Variants in PRH1 observed in about 807,000 individuals in gnomAD.
PRH1 encodes proline rich protein HaeIII subfamily 1, also known as salivary acidic proline-rich phosphoprotein 1/2.
PRH1 carries 7 observed loss-of-function variants against 7.9 expected under a neutral mutation model. The observed-to-expected ratio is 0.89, with a 90% CI of 0.50 to 1.67. The LOEUF (loss-of-function observed/expected upper bound fraction) is 1.67, where lower values mean the gene tolerates loss of function less well. Among genes scored for constraint, PRH1 ranks in the 40% most tolerant of loss-of-function variants. PRH1 has a pLI of 0.00. For missense variants in PRH1, 109 were observed against 223.6 expected (o/e 0.49, Z 3.27); for synonymous variants, 45 against 80.8 (o/e 0.56, Z 2.38).
At chr12:10,986,402 C>T in intron 1 of PRH1, 2 of 1,614,074 alleles carry the variant, frequency 1.2e-6, no homozygotes, top group Non-Finnish European at 1.7e-6. Context: ...CTTCTGCCCA[C>T]ATACTCTCAT....
chr12:11,064,595 C>T (rs1366048603), intron 1 of PRH1, among the ~76,000 whole-genome samples: 3 of 152,062 alleles, frequency 2.0e-5, no homozygotes, highest in Non-Finnish European at 2.9e-5. Flanking sequence ...ACTAAATGTA[C>T]TCCTGTCAGC....
chr12:11,046,850 C>G (rs191350978), intron 1 of PRH1, among the ~76,000 whole-genome samples: 273 of 152,164 alleles, frequency 1.8e-3, no homozygotes, highest in South Asian at 0.011. Context: ...AGTTTTACAA[C>G]TTAGTCTACA....
intron 2 of PRH1, chr12:10,908,936 A>G (rs773681987): frequency 6.2e-7 from 1 of 1,613,432 alleles, no homozygotes; most frequent in South Asian, 1.1e-5. Flanking sequence ...TCCACTTCAA[A>G]TAGAGAAAAG....
chr12:11,108,352 G>GA (rs545116760), intron 1 of PRH1, among the ~76,000 whole-genome samples: 1 of 151,864 alleles, frequency 6.6e-6, no homozygotes, highest in African/African-American at 2.4e-5. Context: ...AAGTAATAAT[G>GA]AAAAAAAATA....
intron 1 of PRH1, among the ~76,000 whole-genome samples, chr12:11,160,556 C>T (rs919577403): frequency 3.9e-5 from 6 of 152,104 alleles, no homozygotes; most frequent in East Asian, 3.9e-4. Flanking sequence ...CTGCAACCTC[C>T]GCCTCCCAGG....
intron 2 of PRH1, among the ~76,000 whole-genome samples, chr12:10,944,463 G>A (rs1026525420): frequency 1.4e-4 from 22 of 152,154 alleles, no homozygotes; most frequent in Non-Finnish European, 1.5e-4. Context: ...AGGAGCTTTT[G>A]AGCCAAGACT....
chr12:10,935,969 C>T (rs561371354), intron 2 of PRH1, among the ~76,000 whole-genome samples: 2 of 152,142 alleles, frequency 1.3e-5, no homozygotes, highest in African/African-American at 4.8e-5. Flanking sequence ...GGATATTGAG[C>T]TGAATCTGAG....
chr12:11,112,874 A>G lies in PRH1; in HGVS notation n.123+58548T>C, dbSNP rs1169607611. 3.3e-5 allele frequency among the ~76,000 whole-genome samples: 5 copies of G among 152,316 alleles called. No individual in the cohort carries two copies. The East Asian group carries it at 7.7e-4, about 23-fold the overall frequency. On this transcript the variant is annotated intron_variant and non_coding_transcript_variant, in intron 1 of 4. Transcript: ENST00000541977. ...GAAGTCAAACTGTCTCTGTTTGCAGATGACAGGATTGTATATTTAGAAAAA... is the reference window on the plus strand; with the variant it reads ...GAAGTCAAACTGTCTCTGTTTGCAGGTGACAGGATTGTATATTTAGAAAAA...
intron 1 of PRH1, among the ~76,000 whole-genome samples, chr12:11,156,890 G>T (rs1300806214): frequency 1.4e-5 from 2 of 145,386 alleles, no homozygotes; most frequent in Non-Finnish European, 3.0e-5. Flanking sequence ...CTGTCACCCA[G>T]GCTGGAGTGC....
At chr12:11,150,930 T>C (rs141767352) in intron 1 of PRH1, among the ~76,000 whole-genome samples, 2,330 of 152,322 alleles carry the variant, frequency 0.015, 19 homozygotes, top group South Asian at 0.031. Flanking sequence ...GTTTGTTTTG[T>C]TTTTTGCCAA....
At chr12:11,114,356 G>A (rs1282231423) in intron 1 of PRH1, among the ~76,000 whole-genome samples, 2 of 152,084 alleles carry the variant, frequency 1.3e-5, no homozygotes, top group Non-Finnish European at 2.9e-5. Context: ...TCCTTTGCAG[G>A]GACCTGGATG....
At chr12:10,996,005 A>G (rs1940208051) in intron 1 of PRH1, among the ~76,000 whole-genome samples, 1 of 152,122 alleles carries the variant, frequency 6.6e-6, no homozygotes, top group Non-Finnish European at 1.5e-5. Context: ...TTATCTAACA[A>G]TAATTGTATT....
chr12:10,960,796 G>T (rs1938203437), intron 2 of PRH1, among the ~76,000 whole-genome samples: 1 of 152,120 alleles, frequency 6.6e-6, no homozygotes. Flanking sequence ...GCAGATTCAG[G>T]AACTTATAAC....
chr12:11,127,276 T>C (rs968287705), intron 1 of PRH1, among the ~76,000 whole-genome samples: 1 of 152,300 alleles, frequency 6.6e-6, no homozygotes, highest in African/African-American at 2.4e-5. Flanking sequence ...GCAAATCAAG[T>C]CATACACTTA....
At chr12:11,100,724 T>C (rs1027355655) in intron 1 of PRH1, among the ~76,000 whole-genome samples, 1 of 152,184 alleles carries the variant, frequency 6.6e-6, no homozygotes, top group African/African-American at 2.4e-5. Context: ...TGACTAAATC[T>C]GGATTATTTT....
intron 1 of PRH1, among the ~76,000 whole-genome samples, chr12:11,057,466 G>C (rs1943411820): frequency 1.3e-5 from 2 of 152,186 alleles, no homozygotes; most frequent in Non-Finnish European, 2.9e-5. Context: ...TGTAGAGTAA[G>C]GGACATTATT....
chr12:11,138,708 T>C (rs1354347232), intron 1 of PRH1, among the ~76,000 whole-genome samples: 3 of 152,176 alleles, frequency 2.0e-5, no homozygotes, highest in Non-Finnish European at 4.4e-5. Context: ...GAAGGTGGAT[T>C]TACAGTTCTT....
rs373080563 is a variant in PRH1 at position 11,062,255 on chromosome 12, C to T, written n.124-15067G>A. The T allele has an allele frequency of 3.7e-6, 6 of 1,612,696 alleles. No individual in the cohort carries two copies. The highest frequency in any genetic ancestry group is 3.3e-5 in the South Asian group (3 of 90,934). On this transcript the variant is annotated intron_variant and non_coding_transcript_variant, in intron 1 of 4. Transcript: ENST00000541977. ...AAATTTCCAATCACAAATGTAACCACTATTAGAATGGAAAAAATGATGGGC... is the reference window on the plus strand; with the variant it reads ...AAATTTCCAATCACAAATGTAACCATTATTAGAATGGAAAAAATGATGGGC...
At chr12:11,108,162 G>C (rs2600339) in intron 1 of PRH1, among the ~76,000 whole-genome samples, 69,180 of 151,932 alleles carry the variant, frequency 0.46, 16,559 homozygotes, top group Non-Finnish European at 0.53. Context: ...CACCAGATCT[G>C]TCCTAGAAAA....
Sources: allele counts gnomAD v4.1 joint callset (sites outside exome capture counted in the v4.1 genomes callset), GRCh38; gene constraint gnomAD v4.1.1; transcripts MANE v1.5; gene names NCBI Gene and HGNC (gene_info 2026-07-23, HGNC 2026-07-21).